HDAC9: variants seen among roughly 807,000 people sequenced by gnomAD.
HDAC9 encodes the protein MEF-2 interacting transcription repressor (MITR) protein.
HDAC9 carries 41 observed loss-of-function variants against 139.4 expected under a neutral mutation model. That is an observed-to-expected ratio of 0.29 (90% CI 0.23 to 0.38). HDAC9 has a LOEUF of 0.38. Ranked by LOEUF, HDAC9 falls within the 10% of genes least tolerant of loss-of-function variation. HDAC9 has a pLI of 1.00. For missense variants in HDAC9, 1,147 were observed against 1,297.0 expected, an observed-to-expected ratio of 0.88 and a Z score of 1.78; for synonymous variants, 517 against 476.2, an observed-to-expected ratio of 1.09 and a Z score of -1.12.
chr7:18,837,811 C>T lies in HDAC9; in HGVS notation c.2684+1814C>T, dbSNP rs561356227. ...ATAATGTAAACGCAGATATTAAGTG[C>T]ACATATTGTTTTGTGATTTAAATGG... On this transcript the variant is annotated intron_variant, in intron 21 of 25. Coordinates refer to ENST00000686413, the MANE Select transcript of HDAC9 (RefSeq NM_178425.4). Among the ~76,000 whole-genome samples the T allele has an allele frequency of 1.1e-4, 16 of 152,144 alleles. No homozygotes were observed. In the South Asian group the frequency reaches 1.2e-3, roughly 12 times the overall value.
intron 2 of HDAC9, among the ~76,000 whole-genome samples, chr7:18,168,893 T>TGTG (rs1170116015): frequency 0.018 from 2,136 of 116,224 alleles, 21 homozygotes; most frequent in African/African-American, 0.059. Flanking sequence ...TTTTTTTTTT[T>TGTG]TTTTTGTGTG....
chr7:18,311,003 A>G (rs2128624836), intron 1 of HDAC9, among the ~76,000 whole-genome samples: 1 of 152,232 alleles, frequency 6.6e-6, no homozygotes, highest in South Asian at 2.1e-4. Context: ...CATTAATTAA[A>G]TTGTAATAAG....
chr7:18,218,469 T>G (rs1792466578), intron 2 of HDAC9, among the ~76,000 whole-genome samples: 1 of 151,764 alleles, frequency 6.6e-6, no homozygotes, highest in Admixed American at 6.6e-5. Flanking sequence ...ATAAATAAAT[T>G]TAAAAAGAAG....
chr7:18,188,120 A>G (rs1306165954), intron 2 of HDAC9, among the ~76,000 whole-genome samples: 1 of 152,214 alleles, frequency 6.6e-6, no homozygotes, highest in East Asian at 1.9e-4. Flanking sequence ...TACAGTAACC[A>G]AAACAGCATG....
chr7:18,719,331 CTTTTT>C (rs757689693), intron 12 of HDAC9, among the ~76,000 whole-genome samples: 849 of 73,898 alleles, frequency 0.011, 5 homozygotes, highest in African/African-American at 0.051. Flanking sequence ...TTTTCTCTTC[CTTTTT>C]TTTTTTTTTT....
chr7:18,783,662 T>C (rs1159155896), intron 16 of HDAC9, among the ~76,000 whole-genome samples: 1 of 15,734 alleles, frequency 6.4e-5, no homozygotes, highest in African/African-American at 1.2e-4. Flanking sequence ...CTGCTGAGAC[T>C]TTTTTTTTTT....
intron 2 of HDAC9, among the ~76,000 whole-genome samples, chr7:18,519,059 T>C (rs1405395946): frequency 1.3e-5 from 2 of 152,202 alleles, no homozygotes; most frequent in Non-Finnish European, 2.9e-5. Context: ...ATAAATACTA[T>C]GTATAGAATT....
At chr7:18,663,703 G>C (rs926403382) in intron 11 of HDAC9, among the ~76,000 whole-genome samples, 1 of 152,138 alleles carries the variant, frequency 6.6e-6, no homozygotes, top group African/African-American at 2.4e-5. Context: ...TTTCAGCTGT[G>C]CTGTGTTAGT....
intron 4 of HDAC9, among the ~76,000 whole-genome samples, chr7:18,591,085 AG>A (rs1169264938): frequency 5.3e-5 from 8 of 152,188 alleles, no homozygotes; most frequent in Non-Finnish European, 8.8e-5. Flanking sequence ...TTAAAAACTA[AG>A]GTTTTCAAAC....
chr7:18,925,643 A>C (rs903706630), intron 22 of HDAC9, among the ~76,000 whole-genome samples: 1 of 144,628 alleles, frequency 6.9e-6, no homozygotes, highest in Non-Finnish European at 1.6e-5. Context: ...AGTTAAATAC[A>C]TCTTTTTTTT....
intron 2 of HDAC9, among the ~76,000 whole-genome samples, chr7:18,555,683 T>C (rs1818582327): frequency 6.6e-6 from 1 of 152,144 alleles, no homozygotes; most frequent in East Asian, 1.9e-4. Flanking sequence ...TGATATTTTC[T>C]GTATTTTATT....
At chr7:18,226,337 G>A (rs1010696157) in intron 2 of HDAC9, among the ~76,000 whole-genome samples, 1 of 152,130 alleles carries the variant, frequency 6.6e-6, no homozygotes, top group African/African-American at 2.4e-5. Context: ...CTCCCCTGCA[G>A]GGAAAAGACT....
chr7:18,927,240 T>C (rs1262092622), intron 22 of HDAC9, among the ~76,000 whole-genome samples: 1 of 152,280 alleles, frequency 6.6e-6, no homozygotes, highest in Non-Finnish European at 1.5e-5. Flanking sequence ...CCCAACATCA[T>C]CAGGAATGAA....
intron 1 of HDAC9, among the ~76,000 whole-genome samples, chr7:18,479,325 C>CA (rs1291646937): frequency 5.9e-5 from 9 of 151,964 alleles, no homozygotes. Flanking sequence ...TAGTTTGATA[C>CA]AAAAAATAAG....
At chr7:18,327,515 C>T (rs889098721) in intron 1 of HDAC9, 28 of 151,760 alleles carry the variant, frequency 1.8e-4, no homozygotes, top group Admixed American at 3.9e-4. Flanking sequence ...ACTAATTAAA[C>T]GGTTACACAA....
intron 22 of HDAC9, among the ~76,000 whole-genome samples, chr7:18,877,810 T>C (rs2129250932): frequency 6.6e-6 from 1 of 152,310 alleles, no homozygotes; most frequent in South Asian, 2.1e-4. Flanking sequence ...AGTGATGTTT[T>C]TCTTTCTTCC....
chr7:18,855,249 A>G (rs1405730954), intron 21 of HDAC9, among the ~76,000 whole-genome samples: 3 of 152,236 alleles, frequency 2.0e-5, no homozygotes, highest in African/African-American at 7.2e-5. Context: ...CATTTTCCAA[A>G]TATACACCCC....
intron 7 of HDAC9, among the ~76,000 whole-genome samples, chr7:18,630,748 T>C (rs1384534519): frequency 6.6e-6 from 1 of 152,064 alleles, no homozygotes; most frequent in Admixed American, 6.6e-5. Context: ...TTACAGACTT[T>C]TTTCCCAGGA....
intron 22 of HDAC9, among the ~76,000 whole-genome samples, chr7:18,930,681 T>A (rs73322147): frequency 0.022 from 3,292 of 152,316 alleles, 111 homozygotes; most frequent in African/African-American, 0.075. Flanking sequence ...TGTAGAACTT[T>A]CCTTACATCA....
Sources: gnomAD v4.1 joint callset for allele counts (sites outside exome capture counted in the v4.1 genomes callset) on GRCh38, gnomAD v4.1.1 for gene constraint, MANE v1.5 for transcripts, NCBI Gene and HGNC (gene_info 2026-07-23, HGNC 2026-07-21) for gene names.